FAM171A1: variants seen among roughly 807,000 people sequenced by gnomAD.
FAM171A1 encodes protein FAM171A1.
In FAM171A1, 23 loss-of-function variants were observed where a neutral mutation model predicts 74.9. The observed-to-expected ratio is 0.31, with a 90% CI of 0.22 to 0.44. The LOEUF (loss-of-function observed/expected upper bound fraction) is 0.44, where lower values mean the gene tolerates loss of function less well. FAM171A1 is among the 20% of genes least tolerant of loss of function. FAM171A1 has a pLI of 1.00. For missense variants in FAM171A1, 1,162 were observed against 1,159.2 expected (o/e 1.00, Z -0.03); for synonymous variants, 527 against 505.7 (o/e 1.04, Z -0.57).
chr10:15,370,244 T>TTC (rs1193969438), intron 1 of FAM171A1, among the ~76,000 whole-genome samples: 84 of 148,926 alleles, frequency 5.6e-4, no homozygotes, highest in African/African-American at 1.8e-3. Flanking sequence ...ATTTTTCTTT[T>TTC]TTTTTTTTTT....
At chr10:15,284,714 C>T (rs899334706) in intron 1 of FAM171A1, among the ~76,000 whole-genome samples, 7 of 152,174 alleles carry the variant, frequency 4.6e-5, no homozygotes, top group African/African-American at 1.7e-4. Context: ...CGTGCCCAGA[C>T]AACAATACTC....
At chr10:15,261,534 C>T (rs149571248) in intron 3 of FAM171A1, among the ~76,000 whole-genome samples, 89 of 152,262 alleles carry the variant, frequency 5.8e-4, no homozygotes, top group Middle Eastern at 3.4e-3. Context: ...GTCATGGAAA[C>T]GGCTTGATTA....
chr10:15,238,501 T>G (rs1343389635), intron 5 of FAM171A1, among the ~76,000 whole-genome samples: 2 of 152,132 alleles, frequency 1.3e-5, no homozygotes, highest in East Asian at 3.8e-4. Flanking sequence ...CTTTAAGAAC[T>G]CCCACTCTTT....
At chr10:15,354,603 C>A (rs1020928221) in intron 1 of FAM171A1, among the ~76,000 whole-genome samples, 4 of 152,188 alleles carry the variant, frequency 2.6e-5, no homozygotes, top group African/African-American at 4.8e-5. Flanking sequence ...AGCACCGAGT[C>A]CGATCTGTAA....
upstream of FAM171A1, among the ~76,000 whole-genome samples, chr10:15,373,202 G>A (rs1197801481): frequency 6.6e-6 from 1 of 152,122 alleles, no homozygotes; most frequent in East Asian, 1.9e-4. Context: ...CGCAAATCAC[G>A]CACCTGCACA....
intron 1 of FAM171A1, among the ~76,000 whole-genome samples, chr10:15,327,611 A>G (rs1299488830): frequency 2.0e-5 from 3 of 152,202 alleles, no homozygotes; most frequent in Non-Finnish European, 4.4e-5. Flanking sequence ...TGATTGCACC[A>G]CTGCAGTCTA....
At chr10:15,350,348 T>A (rs535062267) in intron 1 of FAM171A1, among the ~76,000 whole-genome samples, 1 of 151,946 alleles carries the variant, frequency 6.6e-6, no homozygotes, top group Admixed American at 6.6e-5. Context: ...TATTTTTACT[T>A]TTTTTTTGAG....
intron 3 of FAM171A1, among the ~76,000 whole-genome samples, chr10:15,267,387 G>A (rs778246965): frequency 6.6e-6 from 1 of 151,952 alleles, no homozygotes; most frequent in African/African-American, 2.4e-5. Flanking sequence ...GGCAGATCAC[G>A]AGGTCAGTAG....
intron 5 of FAM171A1, chr10:15,241,849 T>A (rs1261739793): frequency 6.6e-6 from 1 of 152,228 alleles, no homozygotes; most frequent in Non-Finnish European, 1.5e-5. Flanking sequence ...AGCTTAATCA[T>A]CCTGAAGAAC....
In FAM171A1 at chr10:15,258,643, C is replaced by T. The variant is rs1047040122; in HGVS notation, c.419-3764G>A. ...CCACAATGCATGCTGCCCTTGGAGA[C>T]GTCGACTGTGTGATCCGCAAACCCC... is the stretch of plus-strand genomic sequence containing the variant. On this transcript the variant is annotated intron_variant, in intron 3 of 7. Transcript: ENST00000378116. Among the ~76,000 whole-genome samples, 5 of 152,154 alleles carry T rather than the reference C, an allele frequency of 3.3e-5. No homozygotes were observed. In the East Asian group the frequency reaches 5.8e-4, roughly 18 times the overall value.
intron 1 of FAM171A1, among the ~76,000 whole-genome samples, chr10:15,309,382 A>AT (rs1279698134): frequency 1.5e-4 from 23 of 151,818 alleles, no homozygotes; most frequent in Admixed American, 1.5e-3. Flanking sequence ...TGTTATTTTT[A>AT]TTTTTCGTAG....
chr10:15,257,435 C>T (rs571308280), intron 3 of FAM171A1, among the ~76,000 whole-genome samples: 2 of 152,304 alleles, frequency 1.3e-5, no homozygotes, highest in African/African-American at 4.8e-5. Flanking sequence ...CTCCCCAGCT[C>T]TCAGGGCCCT....
In FAM171A1 at chr10:15,371,220, C is replaced by T. The variant is rs1167914047; in HGVS notation, c.-168G>A. 6.9e-6 allele frequency among the ~76,000 whole-genome samples: 1 copy of T among 144,350 alleles called. No individual in the cohort carries two copies. The highest frequency in any genetic ancestry group is 2.5e-5 in the African/African-American group (1 of 40,592). 94.7% of individuals were successfully genotyped at this position (144,350 alleles called of 152,430 possible). A position where few individuals can be genotyped will look rare whatever the true frequency, so the allele number is the denominator to read the frequency against. The stretch of plus-strand genomic sequence containing the variant: ...GCCCCGGCCGCTCCCTCCCGCGCCC[C>T]GCGCCGGGTTTCCCCGAAGAGCCGC... On this transcript the variant is annotated 5_prime_UTR_variant, in exon 1 of 8. Transcript: ENST00000378116.
chr10:15,214,266 T>C lies in FAM171A1; in HGVS notation c.1322A>G (p.Gln441Arg), dbSNP rs746303349. Residue 441 changes from glutamine to arginine, a missense_variant, in exon 8 of 8, where the codon CAG becomes CGG. By Grantham distance (43) the Gln-to-Arg change is conservative (BLOSUM62 1). Coordinates refer to ENST00000378116, the MANE Select transcript of FAM171A1 (RefSeq NM_001010924.2). ...LLSCKEEDKS[Q>R]ISFDNLTPSG... ...TGGAGTGAGGTTATCAAAGGAGATCTGGCTTTTATCCTCTTCCTTGCAAGA... is the reference window on the plus strand; with the variant it reads ...TGGAGTGAGGTTATCAAAGGAGATCCGGCTTTTATCCTCTTCCTTGCAAGA... 10 of 1,614,028 alleles carry C rather than the reference T, an allele frequency of 6.2e-6. No homozygotes were observed. In the Admixed American group the frequency reaches 1.7e-4, roughly 27 times the overall value.
intron 1 of FAM171A1, among the ~76,000 whole-genome samples, chr10:15,298,962 C>A (rs1247269550): frequency 6.6e-6 from 1 of 152,062 alleles, no homozygotes; most frequent in Non-Finnish European, 1.5e-5. Flanking sequence ...ACTCTGTTAC[C>A]CAGGCTGGAG....
At chr10:15,358,147 T>A (rs994230811) in intron 1 of FAM171A1, among the ~76,000 whole-genome samples, 1 of 152,122 alleles carries the variant, frequency 6.6e-6, no homozygotes, top group Non-Finnish European at 1.5e-5. Context: ...AGCTAATTTT[T>A]AAATTTTGTG....
At chr10:15,237,785 T>TC (rs34286170) in intron 5 of FAM171A1, 107,547 of 151,180 alleles carry the variant, frequency 0.71, 38,485 homozygotes, top group South Asian at 0.84. Flanking sequence ...TACCCCCTTT[T>TC]CCCCTACCGG....
At position 15,365,531 on chromosome 10, in the gene FAM171A1, G is replaced by T. The variant is rs372366589; in HGVS notation, c.97+5425C>A. Among the ~76,000 whole-genome samples the T allele has an allele frequency of 1.4e-4, 21 of 152,330 alleles. No individual in the cohort carries two copies. The East Asian group carries it at 4.1e-3, about 29-fold the overall frequency. On this transcript the variant is annotated intron_variant, in intron 1 of 7. Coordinates refer to ENST00000378116, the MANE Select transcript of FAM171A1 (RefSeq NM_001010924.2). ...CCCACCTGTAATCCCAGTACTTTGG[G>T]AGGCCTAGGTGGGAGGACTGTCTGA...
intron 1 of FAM171A1, among the ~76,000 whole-genome samples, chr10:15,369,334 A>C (rs1836105869): frequency 6.6e-6 from 1 of 152,010 alleles, no homozygotes; most frequent in African/African-American, 2.4e-5. Flanking sequence ...CTTGCTCTTT[A>C]AAATTAACGG....
Sources: allele counts gnomAD v4.1 joint callset (sites outside exome capture counted in the v4.1 genomes callset), GRCh38; gene constraint gnomAD v4.1.1; transcripts MANE v1.5; gene names NCBI Gene and HGNC (gene_info 2026-07-23, HGNC 2026-07-21).